The following ROBO2 variants were observed in gnomAD, a reference collection of about 807,000 sequenced individuals.
ROBO2 encodes roundabout guidance receptor 2.
ROBO2 carries 53 observed loss-of-function variants against 160.8 expected under a neutral mutation model. That is an observed-to-expected ratio of 0.33 (90% CI 0.26 to 0.41). ROBO2 has a LOEUF of 0.41. ROBO2 is among the 10% of genes least tolerant of loss of function. The pLI, the probability that ROBO2 is intolerant of heterozygous loss-of-function variation, is 1.00. For synonymous variants in ROBO2, 664 were observed against 611.7 expected (o/e 1.09, Z -1.26); for missense variants, 1,577 against 1,722.4 (o/e 0.92, Z 1.49).
At chr3:76,898,561 G>C (rs2074989435) in intron 2 of ROBO2, among the ~76,000 whole-genome samples, 1 of 151,892 alleles carries the variant, frequency 6.6e-6, no homozygotes, top group African/African-American at 2.4e-5. Context: ...CCTATATTTG[G>C]TATTCATCAT....
At chr3:76,735,332 A>G (rs958417250) in intron 2 of ROBO2, among the ~76,000 whole-genome samples, 8 of 152,204 alleles carry the variant, frequency 5.3e-5, no homozygotes, top group African/African-American at 1.9e-4. Flanking sequence ...AAATAAACTC[A>G]GAAATGGAAA....
intron 2 of ROBO2, among the ~76,000 whole-genome samples, chr3:77,019,392 C>T (rs1559853303): frequency 1.3e-5 from 2 of 152,126 alleles, no homozygotes; most frequent in Non-Finnish European, 2.9e-5. Context: ...CATCATCCCC[C>T]AAAAACCCTA....
Position 76,103,066 on chromosome 3 carries a change from G to A in ROBO2, c.109+165464G>A, listed in dbSNP as rs1299524473. Among the ~76,000 whole-genome samples, 7 of 152,028 alleles carry A rather than the reference G, an allele frequency of 4.6e-5. No homozygotes were observed. The East Asian group carries it at 7.8e-4, about 17-fold the overall frequency. The stretch of plus-strand genomic sequence containing the variant: ...TCTCAATCTCCTGACCTCGTGATCC[G>A]CCCGCCTCGGCCTCCCAAAATGCTG... On this transcript the variant is annotated intron_variant, in intron 2 of 26. Coordinates refer to the ROBO2 transcript ENST00000487694.
intron 2 of ROBO2, among the ~76,000 whole-genome samples, chr3:77,157,647 G>T (rs543059475): frequency 1.3e-5 from 2 of 152,064 alleles, no homozygotes; most frequent in South Asian, 4.2e-4. Context: ...CTATTTTTTG[G>T]TATGCTGACC....
chr3:76,902,870 C>A (rs1166625321), intron 2 of ROBO2, among the ~76,000 whole-genome samples: 1 of 151,820 alleles, frequency 6.6e-6, no homozygotes, highest in Admixed American at 6.6e-5. Context: ...ATTAATAACA[C>A]AAAAACTATG....
rs559790432 is a variant in ROBO2, at chr3:76,279,694, G to A, written c.109+342092G>A. Among the ~76,000 whole-genome samples the A allele has an allele frequency of 3.7e-4, 56 of 151,844 alleles. 2 individuals carry two copies. The South Asian group carries it at 8.5e-3, about 23-fold the overall frequency. ...CATTCCATATTTTGCTTTAATTAGCGAATATTAGATAAGGGGAAACAATTA... is the reference window on the plus strand; with the variant it reads ...CATTCCATATTTTGCTTTAATTAGCAAATATTAGATAAGGGGAAACAATTA... On this transcript the variant is annotated intron_variant, in intron 2 of 26. Coordinates refer to the ROBO2 transcript ENST00000487694.
chr3:77,580,127 CA>C lies in ROBO2; in HGVS notation c.2500+12del, dbSNP rs1237661135. 17 of 1,613,130 alleles carry C rather than the reference CA, an allele frequency of 1.1e-5. No homozygotes were observed. Among genetic ancestry groups the C allele is most frequent in the Non-Finnish European group, 1.4e-5 (17 of 1,179,404 alleles). On this transcript the variant is annotated intron_variant, in intron 16 of 25. Coordinates refer to ENST00000461745, the Ensembl canonical transcript of ROBO2. ...ACAGCCAATAATAATCGGTGAGTAT[CA>C]AACTATGTGGTCTGTGCTTTAGAAT...
At chr3:77,577,813 C>A (rs1044155738) in intron 15 of ROBO2, among the ~76,000 whole-genome samples, 199 bp downstream of exon 16, 1 of 151,916 alleles carries the variant, frequency 6.6e-6, no homozygotes, top group Non-Finnish European at 1.5e-5. Flanking sequence ...TCACACAAAC[C>A]CAGTTGAACA....
At chr3:76,290,190 G>C (rs1001543638) in intron 2 of ROBO2, among the ~76,000 whole-genome samples, 1 of 151,892 alleles carries the variant, frequency 6.6e-6, no homozygotes, top group African/African-American at 2.4e-5. Context: ...CCTCACTGTA[G>C]GGATCTTTTC....
intron 2 of ROBO2, among the ~76,000 whole-genome samples, chr3:76,462,647 T>C (rs2078149827): frequency 6.7e-6 from 1 of 149,522 alleles, no homozygotes; most frequent in African/African-American, 2.5e-5. Context: ...TAAAGGAAAA[T>C]ACCAGAATGC....
intron 2 of ROBO2, among the ~76,000 whole-genome samples, chr3:76,850,772 C>A (rs1485930379): frequency 6.6e-6 from 1 of 151,942 alleles, no homozygotes; most frequent in African/African-American, 2.4e-5. Context: ...GAATAGCAAG[C>A]AGAAATTAGG....
intron 2 of ROBO2, among the ~76,000 whole-genome samples, chr3:76,395,315 A>G (rs980886275): frequency 5.3e-5 from 8 of 150,630 alleles, no homozygotes; most frequent in South Asian, 2.1e-4. Context: ...TCTCTGGGAC[A>G]CATTCAAAGC....
chr3:77,163,377 A>C (rs951532095), intron 2 of ROBO2, among the ~76,000 whole-genome samples: 14 of 152,200 alleles, frequency 9.2e-5, no homozygotes, highest in African/African-American at 3.4e-4. Context: ...CATTCATGTA[A>C]GGCAGAGGCA....
chr3:76,083,193 C>T (rs1286252462), intron 2 of ROBO2, among the ~76,000 whole-genome samples: 2 of 151,410 alleles, frequency 1.3e-5, no homozygotes, highest in Non-Finnish European at 2.9e-5. Flanking sequence ...GGCCTGGGGC[C>T]CAAGAGAAAG....
chr3:76,098,266 A>G (rs1320895129), intron 2 of ROBO2, among the ~76,000 whole-genome samples: 1 of 152,212 alleles, frequency 6.6e-6, no homozygotes, highest in Non-Finnish European at 1.5e-5. Context: ...TTCTATTCTT[A>G]AGAAATAGAA....
intron 2 of ROBO2, among the ~76,000 whole-genome samples, chr3:77,013,462 T>G (rs1161218732): frequency 6.6e-6 from 1 of 152,132 alleles, no homozygotes; most frequent in African/African-American, 2.4e-5. Context: ...ATATATTAAA[T>G]TTAAATTATC....
chr3:76,102,048 T>A (rs1467823737), intron 2 of ROBO2, among the ~76,000 whole-genome samples: 50 of 138,702 alleles, frequency 3.6e-4, no homozygotes, highest in Middle Eastern at 8.7e-3. Flanking sequence ...CCTGTGTCCA[T>A]GTGTTCCCAT....
chr3:76,494,534 A>T (rs1279207540), intron 2 of ROBO2, among the ~76,000 whole-genome samples: 2 of 152,144 alleles, frequency 1.3e-5, no homozygotes, highest in African/African-American at 2.4e-5. Flanking sequence ...GGGGGTCTCG[A>T]CTTCCCATCC....
At chr3:77,288,014 C>T (rs2153381861) in intron 2 of ROBO2, among the ~76,000 whole-genome samples, 1 of 152,180 alleles carries the variant, frequency 6.6e-6, no homozygotes, top group Admixed American at 6.5e-5. Context: ...GTAGATATTT[C>T]AGTGTACAGT....
Sources: gnomAD v4.1 joint callset for allele counts (sites outside exome capture counted in the v4.1 genomes callset) on GRCh38, gnomAD v4.1.1 for gene constraint, MANE v1.5 for transcripts, NCBI Gene and HGNC (gene_info 2026-07-23, HGNC 2026-07-21) for gene names.